NRXN1: variants seen among roughly 807,000 people sequenced by gnomAD.
NRXN1 encodes the protein neurexin-1.
In NRXN1, 39 loss-of-function variants were observed where a neutral mutation model predicts 150.9. The observed-to-expected ratio is 0.26, with a 90% confidence interval of 0.20 to 0.34. NRXN1 has a LOEUF of 0.34. NRXN1 is among the 10% of genes least tolerant of loss of function. The pLI is 1.00. For synonymous variants in NRXN1, 924 were observed against 757.0 expected, an observed-to-expected ratio of 1.22 and a Z score of -3.62; for missense variants, 1,815 against 1,949.9, an observed-to-expected ratio of 0.93 and a Z score of 1.30.
intron 17 of NRXN1, among the ~76,000 whole-genome samples, chr2:50,278,075 T>A (rs1206415142): frequency 7.1e-6 from 1 of 140,248 alleles, no homozygotes; most frequent in Non-Finnish European, 1.5e-5. Flanking sequence ...CTCTTTTTTT[T>A]TTTTTTTTTT....
At position 51,028,163 on chromosome 2, in the gene NRXN1, C is replaced by A; in HGVS notation, c.111G>T (p.Glu37Asp). 6.6e-7 allele frequency: 1 copy of A among 1,521,748 alleles called. No homozygotes were observed. Among genetic ancestry groups the A allele is most frequent in the Non-Finnish European group, 8.8e-7 (1 of 1,137,990 alleles). The allele number at this position is 1,521,748 out of a possible 1,614,324, so 94.3% of individuals were successfully genotyped here. A position where few individuals can be genotyped will look rare whatever the true frequency, so the allele number is the denominator to read the frequency against. Residue 37 changes from glutamate to aspartate, a missense_variant, in exon 2 of 23, where the codon GAG (glutamate) becomes GAT (aspartate). Coordinates refer to ENST00000401669, the MANE Select transcript of NRXN1 (RefSeq NM_001330078.2). ...LGSGLEFPGA[E>D]GQWTRFPKWN... ...ACTTGGGGAAGCGCGTCCATTGGCC[C>A]TCGGCGCCCGGAAACTCCAGCCCGC...
chr2:50,267,429 T>A (rs497562), intron 17 of NRXN1, among the ~76,000 whole-genome samples: 1 of 152,018 alleles, frequency 6.6e-6, no homozygotes, highest in Admixed American at 6.6e-5. Context: ...AAAGAACTAT[T>A]CATTTCAATA....
At chr2:50,696,110 T>A (rs191922209) in intron 5 of NRXN1, 1 of 152,034 alleles carries the variant, frequency 6.6e-6, no homozygotes, top group African/African-American at 2.4e-5. Flanking sequence ...CCGAAAGTGC[T>A]AGGATTACAG....
intron 19 of NRXN1, among the ~76,000 whole-genome samples, chr2:50,077,210 T>C (rs1452119870): frequency 1.3e-5 from 2 of 152,146 alleles, no homozygotes; most frequent in African/African-American, 4.8e-5. Flanking sequence ...GTCTAACTTA[T>C]TGTTTCGGAT....
intron 22 of NRXN1, among the ~76,000 whole-genome samples, chr2:49,936,677 ATGT>A (rs1558536883): frequency 6.6e-6 from 1 of 152,046 alleles, no homozygotes; most frequent in Non-Finnish European, 1.5e-5. Context: ...TTCTTTTAAA[ATGT>A]TGTTAAGAGC....
chr2:50,658,422 G>GTGTGTGTGTGTGTGTGTA (rs1294261585), intron 5 of NRXN1, among the ~76,000 whole-genome samples: 5 of 151,608 alleles, frequency 3.3e-5, no homozygotes, highest in African/African-American at 1.2e-4. Context: ...GTGTGTGTGT[G>GTGTGTGTGTGTGTGTGTA]TGTGTGTGTG....
chr2:50,875,974 C>A (rs924233427), intron 5 of NRXN1, among the ~76,000 whole-genome samples: 13 of 151,728 alleles, frequency 8.6e-5, no homozygotes, highest in African/African-American at 3.1e-4. Context: ...TGGAAGAGAC[C>A]CTGTAATTCC....
chr2:49,971,072 A>C (rs947811866), intron 21 of NRXN1, among the ~76,000 whole-genome samples: 1 of 152,160 alleles, frequency 6.6e-6, no homozygotes, highest in Non-Finnish European at 1.5e-5. Flanking sequence ...CTAAATGGGC[A>C]GAGTATAAGT....
At chr2:50,700,657 A>G (rs368647326) in intron 5 of NRXN1, among the ~76,000 whole-genome samples, 1 of 152,126 alleles carries the variant, frequency 6.6e-6, no homozygotes, top group African/African-American at 2.4e-5. Context: ...TTCCCACTGC[A>G]TGTCACTTTT....
chr2:50,183,789 A>C (rs1055129624), intron 18 of NRXN1, among the ~76,000 whole-genome samples: 3 of 151,720 alleles, frequency 2.0e-5, no homozygotes, highest in Non-Finnish European at 1.5e-5. Flanking sequence ...AACCTTGAGA[A>C]AATTTGTTTT....
intron 8 of NRXN1, among the ~76,000 whole-genome samples, chr2:50,600,050 T>A (rs1018824510): frequency 8.6e-5 from 13 of 151,994 alleles, no homozygotes; most frequent in African/African-American, 2.7e-4. Flanking sequence ...ACAAAAATAA[T>A]ATTTTAGAAG....
At chr2:50,192,012 TC>T (rs2061476774) in intron 18 of NRXN1, among the ~76,000 whole-genome samples, 4 of 152,144 alleles carry the variant, frequency 2.6e-5, no homozygotes, top group African/African-American at 9.6e-5. Context: ...GGGCATACTT[TC>T]ATAAAGTTTT....
At chr2:50,687,362 A>G (rs1027912707) in intron 5 of NRXN1, among the ~76,000 whole-genome samples, 8 of 152,160 alleles carry the variant, frequency 5.3e-5, no homozygotes, top group Non-Finnish European at 1.2e-4. Context: ...TAAACATAAT[A>G]CTATCTTTTT....
chr2:50,590,458 T>C (rs770398570), intron 8 of NRXN1, among the ~76,000 whole-genome samples: 107 of 152,290 alleles, frequency 7.0e-4, no homozygotes, highest in Non-Finnish European at 9.3e-4. Context: ...CCTTAATACC[T>C]TTATATACCT....
intron 8 of NRXN1, among the ~76,000 whole-genome samples, chr2:50,584,053 A>G (rs991972932): frequency 1.3e-5 from 2 of 152,192 alleles, no homozygotes; most frequent in African/African-American, 4.8e-5. Context: ...ACAGAAAGAA[A>G]AAGTCTACCC....
At chr2:50,042,579 C>A (rs1055152248) in intron 21 of NRXN1, among the ~76,000 whole-genome samples, 1 of 152,176 alleles carries the variant, frequency 6.6e-6, no homozygotes, top group Non-Finnish European at 1.5e-5. Context: ...CTGAGCAATA[C>A]ACAACATTTA....
At chr2:50,653,013 C>A (rs1201549481) in intron 5 of NRXN1, among the ~76,000 whole-genome samples, 1 of 151,940 alleles carries the variant, frequency 6.6e-6, no homozygotes, top group Non-Finnish European at 1.5e-5. Flanking sequence ...TATTCCTTGA[C>A]TTTTGTAATG....
At chr2:50,965,386 A>G (rs555924990) in intron 2 of NRXN1, among the ~76,000 whole-genome samples, 1 of 151,416 alleles carries the variant, frequency 6.6e-6, no homozygotes, top group East Asian at 1.9e-4. Context: ...TGTTGACCAA[A>G]TATTTGTATC....
At position 50,040,969 on chromosome 2, in the gene NRXN1, A is replaced by T. The variant is rs540899967; in HGVS notation, c.4128+12302T>A. Among the ~76,000 whole-genome samples the T allele has an allele frequency of 4.6e-5, 7 of 152,148 alleles. No individual in the cohort carries two copies. In the East Asian group the frequency reaches 1.4e-3, roughly 29 times the overall value. ...CCATGTTGGTGTGCTGCACCCATTA[A>T]CTCGTCATTTACATTAGGTATATCT... is the stretch of plus-strand genomic sequence containing the variant. On this transcript the variant is annotated intron_variant, in intron 21 of 22. Coordinates refer to ENST00000401669, the MANE Select transcript of NRXN1 (RefSeq NM_001330078.2).
Sources: allele counts gnomAD v4.1 joint callset (sites outside exome capture counted in the v4.1 genomes callset), GRCh38; gene constraint gnomAD v4.1.1; transcripts MANE v1.5; gene names NCBI Gene and HGNC (gene_info 2026-07-23, HGNC 2026-07-21).